TRPM3: variants seen among roughly 807,000 people sequenced by gnomAD.
TRPM3 encodes the protein transient receptor potential cation channel subfamily M member 3.
TRPM3 carries 77 observed loss-of-function variants against 181.2 expected under a neutral mutation model. The observed-to-expected ratio is 0.42, with a 90% CI of 0.35 to 0.51. The LOEUF is 0.51. Among genes scored for constraint, TRPM3 ranks in the 20% least tolerant of loss-of-function variants. The pLI is 0.01. For missense variants in TRPM3, 1,759 were observed against 2,196.7 expected, an observed-to-expected ratio of 0.80 and a Z score of 3.98; for synonymous variants, 745 against 796.4, an observed-to-expected ratio of 0.94 and a Z score of 1.09.
intron 1 of TRPM3, among the ~76,000 whole-genome samples, chr9:71,053,314 G>C (rs377074109): frequency 3.9e-4 from 59 of 152,144 alleles, no homozygotes; most frequent in Middle Eastern, 6.8e-3. Flanking sequence ...CCTGTGCAGC[G>C]CTAGTCATCT....
intron 21 of TRPM3, among the ~76,000 whole-genome samples, chr9:70,595,799 A>G (rs1294846115): frequency 3.3e-5 from 5 of 152,224 alleles, no homozygotes; most frequent in Non-Finnish European, 5.9e-5. Flanking sequence ...AAGTGCAAAG[A>G]AGATGATATA....
intron 9 of TRPM3, among the ~76,000 whole-genome samples, chr9:70,665,102 C>A (rs999680986): frequency 6.6e-6 from 1 of 152,128 alleles, no homozygotes; most frequent in Non-Finnish European, 1.5e-5. Context: ...AAACTAAAGG[C>A]CACTTCTCTT....
rs1233540804 is a variant in TRPM3 at position 71,390,956 on chromosome 9, C to CA, written c.183+55696dup. Among the ~76,000 whole-genome samples the CA allele has an allele frequency of 5.3e-5, 8 of 151,104 alleles. No individual in the cohort carries two copies. In the East Asian group the frequency reaches 7.8e-4, roughly 15 times the overall value. ...TTAAGAGACTTGAAGTTGTCTGGGA[C>CA]AAAAAAAGCAACAATAGATGAATAG... is the stretch of plus-strand genomic sequence containing the variant. On this transcript the variant is annotated intron_variant, in intron 1 of 24. Transcript: ENST00000357533.
chr9:71,195,961 A>T (rs937277559), intron 1 of TRPM3, among the ~76,000 whole-genome samples: 1 of 151,348 alleles, frequency 6.6e-6, no homozygotes, highest in Admixed American at 6.6e-5. Context: ...CTACCAGAGG[A>T]TGGAGAGGAG....
intron 1 of TRPM3, among the ~76,000 whole-genome samples, chr9:70,886,453 T>G (rs1334371975): frequency 1.3e-5 from 2 of 152,150 alleles, no homozygotes; most frequent in Non-Finnish European, 2.9e-5. Context: ...CTTTACTTTA[T>G]ATTGTACAAC....
At chr9:71,353,187 C>T (rs897822806) in intron 1 of TRPM3, among the ~76,000 whole-genome samples, 2 of 152,018 alleles carry the variant, frequency 1.3e-5, no homozygotes, top group African/African-American at 4.8e-5. Flanking sequence ...ACCACCCCAC[C>T]CTCACATGTT....
intron 1 of TRPM3, among the ~76,000 whole-genome samples, chr9:71,108,190 T>C (rs2070171157): frequency 1.3e-5 from 2 of 152,244 alleles, no homozygotes; most frequent in Non-Finnish European, 1.5e-5. Flanking sequence ...AATCAGATTC[T>C]GTAGTTGAAC....
At chr9:71,400,910 A>C (rs1181142779) in intron 1 of TRPM3, among the ~76,000 whole-genome samples, 1 of 152,120 alleles carries the variant, frequency 6.6e-6, no homozygotes, top group Admixed American at 6.6e-5. Flanking sequence ...TTTATTAAGA[A>C]TCAATTACTG....
intron 1 of TRPM3, among the ~76,000 whole-genome samples, chr9:70,976,127 T>C (rs1218353250): frequency 2.0e-5 from 3 of 152,194 alleles, no homozygotes; most frequent in Non-Finnish European, 2.9e-5. Flanking sequence ...AGATTATCCA[T>C]GGTGAGATTC....
rs71507124 is a variant in TRPM3 at position 70,751,999 on chromosome 9, A to AGT, written c.1272+9600_1272+9601dup. ...ATGCAGTTTCAATCCACATCTCAAC[A>AGT]GTGTGTGTGTGTGTGTGTGTGTGTG... is the stretch of plus-strand genomic sequence containing the variant. On this transcript the variant is annotated intron_variant, in intron 8 of 25. Coordinates refer to ENST00000677713, the MANE Select transcript of TRPM3 (RefSeq NM_001366145.2). Among the ~76,000 whole-genome samples, 934 of 104,380 alleles carry AGT rather than the reference A, an allele frequency of 8.9e-3. 8 individuals are homozygous for AGT. Among genetic ancestry groups the AGT allele is most frequent in the African/African-American group, 0.01 (261 of 25,140 alleles). The allele number at this position is 104,380 out of a possible 152,430, so 68.5% of individuals were successfully genotyped here.
Position 71,228,741 on chromosome 9 carries a change from T to C in TRPM3, c.183+217912A>G, listed in dbSNP as rs2080857447. 3.3e-5 allele frequency among the ~76,000 whole-genome samples: 5 copies of C among 152,054 alleles called. No homozygotes were observed. The South Asian group carries it at 1.0e-3, about 32-fold the overall frequency. The stretch of plus-strand genomic sequence containing the variant: ...ATAGCTACAAATAAAATTAAATACC[T>C]AGGAATTAACTGAACCAAAGAAGTA... On this transcript the variant is annotated intron_variant, in intron 1 of 24. Coordinates refer to the TRPM3 transcript ENST00000357533.
intron 1 of TRPM3, among the ~76,000 whole-genome samples, chr9:71,101,802 A>G (rs2068437256): frequency 6.6e-6 from 1 of 152,138 alleles, no homozygotes; most frequent in African/African-American, 2.4e-5. Flanking sequence ...TTTGAAGACA[A>G]TTTAGGTCAT....
At chr9:70,663,203 A>T (rs1328807669) in intron 9 of TRPM3, among the ~76,000 whole-genome samples, 1 of 152,188 alleles carries the variant, frequency 6.6e-6, no homozygotes, top group East Asian at 1.9e-4. Flanking sequence ...ATGTGAAGGC[A>T]TACGAATGAT....
chr9:70,609,297 G>A (rs951893601), intron 19 of TRPM3, among the ~76,000 whole-genome samples: 3 of 152,194 alleles, frequency 2.0e-5, no homozygotes, highest in Non-Finnish European at 4.4e-5. Context: ...ATAATATAGA[G>A]CTGTATAAAA....
chr9:71,196,431 T>C (rs1196031826), intron 1 of TRPM3, among the ~76,000 whole-genome samples: 3 of 152,008 alleles, frequency 2.0e-5, no homozygotes, highest in Non-Finnish European at 2.9e-5. Flanking sequence ...TTTATCTATA[T>C]TGTCCTCTGG....
intron 5 of TRPM3, among the ~76,000 whole-genome samples, chr9:70,830,725 CTG>C (rs2093836926): frequency 6.6e-6 from 1 of 152,204 alleles, no homozygotes; most frequent in South Asian, 2.1e-4. Context: ...TTGCTAATGA[CTG>C]TGTGAATCTG....
chr9:71,206,385 A>C (rs939322044), intron 1 of TRPM3, among the ~76,000 whole-genome samples: 1 of 152,154 alleles, frequency 6.6e-6, no homozygotes, highest in Non-Finnish European at 1.5e-5. Context: ...TGGCCACATA[A>C]AAGTCTTCTT....
intron 6 of TRPM3, among the ~76,000 whole-genome samples, chr9:70,810,909 G>A (rs2091900860): frequency 6.6e-6 from 1 of 152,142 alleles, no homozygotes; most frequent in Admixed American, 6.5e-5. Context: ...GCCTAGCATG[G>A]TGCTTGGAAC....
chr9:71,313,534 A>G (rs530403898), intron 1 of TRPM3, among the ~76,000 whole-genome samples: 5 of 152,274 alleles, frequency 3.3e-5, no homozygotes, highest in African/African-American at 1.2e-4. Flanking sequence ...TTAATGTCTG[A>G]AAGATGTACC....
Sources: allele counts gnomAD v4.1 joint callset (sites outside exome capture counted in the v4.1 genomes callset), GRCh38; gene constraint gnomAD v4.1.1; transcripts MANE v1.5; gene names NCBI Gene and HGNC (gene_info 2026-07-23, HGNC 2026-07-21).